TSNAX: variants seen among roughly 807,000 people sequenced by gnomAD.
TSNAX encodes the protein translin-associated protein X.
In TSNAX, 12 loss-of-function variants were observed where a neutral mutation model predicts 33.0. That is an observed-to-expected ratio of 0.36 (90% CI 0.23 to 0.59). The LOEUF (loss-of-function observed/expected upper bound fraction) is 0.59. TSNAX is among the 20% of genes least tolerant of loss of function. The pLI, the probability that TSNAX is intolerant of heterozygous loss-of-function variation, is 0.74. For synonymous variants in TSNAX, 110 were observed against 117.2 expected, an observed-to-expected ratio of 0.94 and a Z score of 0.40; for missense variants, 267 against 341.3, an observed-to-expected ratio of 0.78 and a Z score of 1.72.
At chr1:231,529,044 T>C (rs1658467406) in intron 1 of TSNAX, among the ~76,000 whole-genome samples, 1 of 152,220 alleles carries the variant, frequency 6.6e-6, no homozygotes, top group Non-Finnish European at 1.5e-5. Flanking sequence ...CAGTAATTGC[T>C]GTAATGCCAG....
chr1:231,562,038 T>G (rs1661149609), intron 5 of TSNAX, among the ~76,000 whole-genome samples: 1 of 151,954 alleles, frequency 6.6e-6, no homozygotes, highest in Non-Finnish European at 1.5e-5. Flanking sequence ...TACTATTTTT[T>G]TCCTTCTGGG....
intron 2 of TSNAX, chr1:231,536,504 A>T (rs1280465903): frequency 6.6e-6 from 1 of 152,228 alleles, no homozygotes; most frequent in East Asian, 1.9e-4. Context: ...GTGCTACCTT[A>T]CTACAATTGA....
At chr1:231,529,752 C>T (rs549776732) in intron 2 of TSNAX, among the ~76,000 whole-genome samples, 3 of 152,350 alleles carry the variant, frequency 2.0e-5, no homozygotes, top group South Asian at 2.1e-4. Context: ...TAACACTTAG[C>T]ACAGAGTGGG....
intron 4 of TSNAX, among the ~76,000 whole-genome samples, chr1:231,553,852 A>T (rs903217339): frequency 1.3e-5 from 2 of 151,726 alleles, no homozygotes; most frequent in African/African-American, 4.8e-5. Context: ...ACACCCGGCT[A>T]ATTTTGTATT....
intron 3 of TSNAX, among the ~76,000 whole-genome samples, chr1:231,540,011 C>T (rs1411009185): frequency 4.0e-5 from 6 of 151,858 alleles, no homozygotes; most frequent in Non-Finnish European, 8.8e-5. Context: ...ATGGCGAAAC[C>T]CTGTCTCTAC....
rs181171254 is a variant in TSNAX at position 231,544,539 on chromosome 1, T to G, written c.367+1928T>G. ...CATGTTTAGACTTCTCAATTCCTTA[T>G]TAGTGCATGATTAGGCTCTACTAAT... On this transcript the variant is annotated intron_variant, in intron 4 of 5. Coordinates refer to ENST00000366639, the MANE Select transcript of TSNAX (RefSeq NM_005999.3). Among the ~76,000 whole-genome samples the G allele has an allele frequency of 2.6e-5, 4 of 152,350 alleles. No homozygotes were observed. In the South Asian group the frequency reaches 8.3e-4, roughly 32 times the overall value.
At chr1:231,528,951 C>T (rs1658456288) in intron 1 of TSNAX, 125 bp downstream of exon 1, 1 of 1,303,590 alleles carries the variant, frequency 7.7e-7, no homozygotes, top group African/African-American at 1.5e-5. Context: ...GGGGGCGGCC[C>T]CTCTGTTTCT....
intron 4 of TSNAX, among the ~76,000 whole-genome samples, chr1:231,548,359 C>T (rs1335011965): frequency 6.6e-6 from 1 of 152,206 alleles, no homozygotes; most frequent in Admixed American, 6.5e-5. Flanking sequence ...TAACTCAGTT[C>T]ACACTGCTTG....
intron 4 of TSNAX, among the ~76,000 whole-genome samples, chr1:231,558,712 G>A (rs1486361390): frequency 9.9e-5 from 15 of 151,850 alleles, no homozygotes; most frequent in African/African-American, 3.4e-4. Context: ...TTCTTTGGGG[G>A]GGAACTGGGC....
At chr1:231,530,706 G>C (rs1451172461) in intron 2 of TSNAX, among the ~76,000 whole-genome samples, 2 of 134,798 alleles carry the variant, frequency 1.5e-5, no homozygotes, top group Admixed American at 7.6e-5. Context: ...GCGAGGCTCC[G>C]TCTCAAAAAA....
At position 231,528,691 on chromosome 1, in the gene TSNAX, C is replaced by T. The variant is rs1370498234; in HGVS notation, c.-120C>T. 1.4e-5 allele frequency: 16 copies of T among 1,179,620 alleles called. No individual in the cohort carries two copies. Among genetic ancestry groups the T allele is most frequent in the African/African-American group, 4.5e-5 (3 of 65,996 alleles). 73.1% of individuals were successfully genotyped at this position (1,179,620 alleles called of 1,614,324 possible). A position where few individuals can be genotyped will look rare whatever the true frequency, so the allele number is the denominator to read the frequency against. ...CTTCCGGCCACTGCGTTGTAGTCGG[C>T]CCGGCTGCAAAGCGTTTTTCTGCAG... On this transcript the variant is annotated 5_prime_UTR_variant, in exon 1 of 6. Transcript: ENST00000366639.
chr1:231,532,131 AACACACACAC>A (rs745744924), intron 2 of TSNAX, among the ~76,000 whole-genome samples: 1,400 of 85,142 alleles, frequency 0.016, 27 homozygotes, highest in African/African-American at 0.04. Context: ...TAGTGGTAAT[AACACACACAC>A]ACACACACAC....
intron 5 of TSNAX, 39 bp from the exon 6 acceptor site, chr1:231,564,489 G>A (rs1234936612): frequency 1.9e-6 from 3 of 1,585,348 alleles, no homozygotes; most frequent in African/African-American, 2.7e-5. Flanking sequence ...TCTTGTGTGT[G>A]TGTGTGTGTG....
chr1:231,555,142 A>C (rs1660606336), intron 4 of TSNAX, among the ~76,000 whole-genome samples: 1 of 152,230 alleles, frequency 6.6e-6, no homozygotes, highest in African/African-American at 2.4e-5. Context: ...AAAAGCCAAA[A>C]GGTGGAAGTG....
rs778434432 is a variant in TSNAX, at chr1:231,529,308, A to C, written c.70A>C (p.Arg24=). 1 of 1,614,230 alleles carries C rather than the reference A, an allele frequency of 6.2e-7. No homozygotes were observed. Among genetic ancestry groups the C allele is most frequent in the South Asian group, 1.1e-5 (1 of 91,086 alleles). ...KHDNFPHNQR[R]EGKDVNSSSP... is the part of the protein sequence containing the mutation. Reference sequence around the variant, plus strand: ...TGACAATTTCCCACATAACCAAAGAAGAGAAGGGAAGGATGTTAATTCATC... The same window carrying C: ...TGACAATTTCCCACATAACCAAAGACGAGAAGGGAAGGATGTTAATTCATC... Residue 24 remains arginine, a synonymous_variant, in exon 2 of 6, where the codon AGA becomes CGA. Coordinates refer to ENST00000366639, the MANE Select transcript of TSNAX (RefSeq NM_005999.3).
rs1027132347 is a variant in TSNAX at position 231,564,461 on chromosome 1, CT to C, written c.496-62del. 34 of 1,535,258 alleles carry C rather than the reference CT, an allele frequency of 2.2e-5. 1 individual carries two copies. In the South Asian group the frequency reaches 3.9e-4, roughly 18 times the overall value. ...AAATGTGATACATGCTATATTCACTCTTTTTCACAGTGTTCTTTCTTGTGTG... is the reference window on the plus strand; with the variant it reads ...AAATGTGATACATGCTATATTCACTCTTTTCACAGTGTTCTTTCTTGTGTG... On this transcript the variant is annotated intron_variant, in intron 5 of 5. Transcript: ENST00000366639.
intron 4 of TSNAX, among the ~76,000 whole-genome samples, chr1:231,553,051 A>T (rs1660427035): frequency 6.6e-6 from 1 of 152,188 alleles, no homozygotes; most frequent in Non-Finnish European, 1.5e-5. Context: ...ACTGCTGTTA[A>T]TATTTGCCTA....
At chr1:231,555,780 G>GA (rs1342642062) in intron 4 of TSNAX, among the ~76,000 whole-genome samples, 2 of 152,044 alleles carry the variant, frequency 1.3e-5, no homozygotes, top group Admixed American at 6.6e-5. Flanking sequence ...CCTGCTCAAG[G>GA]AAAGACTGAA....
intron 2 of TSNAX, among the ~76,000 whole-genome samples, chr1:231,529,768 G>T (rs189800642): frequency 1.6e-4 from 24 of 152,338 alleles, no homozygotes; most frequent in Middle Eastern, 3.4e-3. Flanking sequence ...GTGGGAGCTT[G>T]TATCTATTAG....
Sources: allele counts gnomAD v4.1 joint callset (sites outside exome capture counted in the v4.1 genomes callset), GRCh38; gene constraint gnomAD v4.1.1; transcripts MANE v1.5; gene names NCBI Gene and HGNC (gene_info 2026-07-23, HGNC 2026-07-21).